Variants in ZNF469 observed in about 807,000 individuals in gnomAD.
The protein encoded by ZNF469 is zinc finger protein 469.
In ZNF469, 1 loss-of-function variant was observed where a neutral mutation model predicts 1.0. That is an observed-to-expected ratio of 1.00 (90% confidence interval 0.35 to 4.73). The LOEUF (loss-of-function observed/expected upper bound fraction) is 4.73, where lower values mean the gene tolerates loss of function less well. Ranked by LOEUF, ZNF469 falls within the 30% of genes most tolerant of loss-of-function variation. ZNF469 has a pLI of 0.16. For synonymous variants in ZNF469, 2,703 were observed against 2,363.4 expected, an observed-to-expected ratio of 1.14 and a Z score of -4.17; for missense variants, 6,100 against 5,356.3, an observed-to-expected ratio of 1.14 and a Z score of -4.33.
chr16:88,407,419 G>A (rs1472812237), intron 1 of ZNF469, among the ~76,000 whole-genome samples: 6 of 152,254 alleles, frequency 3.9e-5, no homozygotes, highest in East Asian at 1.9e-4. Flanking sequence ...CCTCATCAGC[G>A]TCACTCTCTG....
intron 1 of ZNF469, among the ~76,000 whole-genome samples, chr16:88,401,469 A>AGATGGATGGATGGGCGAGTGGATGGATG (rs1904850758): frequency 9.4e-6 from 1 of 106,930 alleles, no homozygotes; most frequent in African/African-American, 4.1e-5. Context: ...GTGGGTGGGC[A>AGATGGATGGATGGGCGAGTGGATGGATG]GATGGATGGA....
At chr16:88,245,382 G>A in the ZNF469 span, among the ~76,000 whole-genome samples, 1 of 152,396 alleles carries the variant, frequency 6.6e-6, no homozygotes. Flanking sequence ...CTCCAGAACA[G>A]TTGGAGAGAG....
the ZNF469 span, among the ~76,000 whole-genome samples, chr16:88,160,194 G>T: frequency 2.0e-5 from 3 of 152,212 alleles, no homozygotes; most frequent in Non-Finnish European, 4.4e-5. Flanking sequence ...CTGGGTCTGG[G>T]ACTAAGGAGC....
intron 1 of ZNF469, among the ~76,000 whole-genome samples, chr16:88,423,540 A>C (rs1905574493): frequency 2.0e-5 from 3 of 152,188 alleles, no homozygotes; most frequent in Admixed American, 6.5e-5. Context: ...AGACTGAAAC[A>C]ACAAACCTTT....
the ZNF469 span, among the ~76,000 whole-genome samples, chr16:88,147,885 C>A: frequency 6.6e-6 from 1 of 152,122 alleles, no homozygotes; most frequent in Non-Finnish European, 1.5e-5. Context: ...TGGAAGGGAC[C>A]CCTGAGTGTT....
chr16:88,431,376 G>T lies in ZNF469; in HGVS notation c.3906G>T (p.Leu1302=), dbSNP rs1042562062. The T allele has an allele frequency of 2.9e-5, 45 of 1,550,026 alleles. No homozygotes were observed. The African/African-American group carries it at 5.6e-4, about 19-fold the overall frequency. The change falls in exon 3 of 3, where the codon CTG becomes CTT. Residue 1302 remains leucine (L), a synonymous_variant. Coordinates refer to ENST00000565624, the MANE Select transcript of ZNF469 (RefSeq NM_001367624.2). ...CAACGCCAGGTGTGGGCAGCCTGCTGGGTGGTCCTGGGGGCACACAGGCCC... is the reference window on the plus strand; with the variant it reads ...CAACGCCAGGTGTGGGCAGCCTGCTTGGTGGTCCTGGGGGCACACAGGCCC... ...SSPTPGVGSL[L]GGPGGTQAPV... is the part of the protein sequence containing the mutation.
the ZNF469 span, among the ~76,000 whole-genome samples, chr16:88,310,651 C>T: frequency 5.8e-3 from 877 of 151,822 alleles, 5 homozygotes; most frequent in African/African-American, 0.02. Flanking sequence ...AGCGCGATCT[C>T]GGCTCACTGC....
At chr16:88,349,270 ACAC>A in the ZNF469 span, among the ~76,000 whole-genome samples, 1 of 152,122 alleles carries the variant, frequency 6.6e-6, no homozygotes, top group African/African-American at 2.4e-5. Flanking sequence ...GCGAGGCTCT[ACAC>A]GCACAGGTGA....
chr16:88,311,085 G>C, the ZNF469 span, among the ~76,000 whole-genome samples: 23 of 152,300 alleles, frequency 1.5e-4, no homozygotes, highest in East Asian at 7.7e-4. Context: ...TGACAGTTTT[G>C]AGGACCGCCT....
chr16:88,438,359 G>T lies in ZNF469; in HGVS notation c.10889G>T (p.Arg3630Leu), dbSNP rs758123475. ...FSGKRRAPGA[R>L]GRCAPDHFQE... ...GGGAAACGCAGGGCCCCGGGTGCCC[G>T]TGGCAGGTGTGCCCCTGACCATTTC... The change falls in exon 3 of 3, where the codon CGT (arginine) becomes CTT (leucine). Residue 3630 changes from arginine to leucine, a missense_variant. Coordinates refer to ENST00000565624, the MANE Select transcript of ZNF469 (RefSeq NM_001367624.2). 1 of 1,550,178 alleles carries T rather than the reference G, an allele frequency of 6.5e-7. No individual in the cohort carries two copies. Among genetic ancestry groups the T allele is most frequent in the Non-Finnish European group, 8.7e-7 (1 of 1,146,950 alleles).
chr16:88,204,405 C>T, the ZNF469 span, among the ~76,000 whole-genome samples: 14 of 152,334 alleles, frequency 9.2e-5, 2 homozygotes, highest in South Asian at 2.5e-3. Context: ...TTGTGACACC[C>T]GTGGACCAGG....
the ZNF469 span, among the ~76,000 whole-genome samples, chr16:88,193,042 GTGGTGATGA>G: frequency 7.2e-5 from 4 of 55,772 alleles, no homozygotes; most frequent in African/African-American, 2.5e-4. Context: ...GGTGATGGTG[GTGGTGATGA>G]TGGTGATGGT....
rs934237986 is a variant in ZNF469, at chr16:88,398,563, G to A, written c.-192+15309G>A. ...TGTGAGCCACAGATGAAGAGAATGC[G>A]CGAGCCACAGACAAAGGGACATGTG... On this transcript the variant is annotated intron_variant, in intron 1 of 2. Coordinates refer to ENST00000565624, the MANE Select transcript of ZNF469 (RefSeq NM_001367624.2). Among the ~76,000 whole-genome samples the A allele has an allele frequency of 1.3e-4, 19 of 148,226 alleles. 1 individual carries two copies. The highest frequency in any genetic ancestry group is 4.0e-4 in the Admixed American group (6 of 14,936).
the ZNF469 span, among the ~76,000 whole-genome samples, chr16:88,274,165 G>A: frequency 1.3e-5 from 2 of 152,162 alleles, no homozygotes; most frequent in Non-Finnish European, 2.9e-5. Flanking sequence ...CGGACCCTGA[G>A]GACATTCTGC....
the ZNF469 span, among the ~76,000 whole-genome samples, chr16:88,144,969 C>T: frequency 6.6e-6 from 1 of 151,926 alleles, no homozygotes; most frequent in Admixed American, 6.6e-5. Flanking sequence ...CAAGCCTCAG[C>T]CTCCTGAGTA....
chr16:88,381,686 C>T (rs986086233), upstream of ZNF469, among the ~76,000 whole-genome samples: 7 of 152,264 alleles, frequency 4.6e-5, no homozygotes, highest in Admixed American at 2.6e-4. Context: ...AGCCAAGCCT[C>T]GAGCCTCTGG....
the ZNF469 span, among the ~76,000 whole-genome samples, chr16:88,233,331 C>G: frequency 8.5e-5 from 13 of 152,230 alleles, no homozygotes; most frequent in African/African-American, 3.1e-4. Flanking sequence ...ACTGGGGCAG[C>G]CCCACCATGG....
chr16:88,432,808 C>T lies in ZNF469; in HGVS notation c.5338C>T (p.Pro1780Ser), dbSNP rs773949576. Residue 1780 changes from proline (P) to serine (S), a missense_variant, in exon 3 of 3, where the codon CCC (proline) becomes TCC (serine). By Grantham distance (74) the Pro-to-Ser change is moderately conservative (BLOSUM62 -1). Coordinates refer to ENST00000565624, the MANE Select transcript of ZNF469 (RefSeq NM_001367624.2). The part of the protein sequence containing the change: ...CEQRGGFLPE[P>S]GTADQPHRGA... ...ACAGAGAGGAGGGTTCCTCCCAGAG[C>T]CCGGCACAGCAGACCAGCCCCACCG... 6.5e-7 allele frequency: 1 copy of T among 1,550,378 alleles called. No individual in the cohort carries two copies.
At chr16:88,174,554 C>A in the ZNF469 span, among the ~76,000 whole-genome samples, 11 of 142,872 alleles carry the variant, frequency 7.7e-5, no homozygotes, top group Admixed American at 7.1e-4. Flanking sequence ...TGGGTTTGAA[C>A]TGCAGGGTCC....
Sources: allele counts gnomAD v4.1 joint callset (sites outside exome capture counted in the v4.1 genomes callset), GRCh38; gene constraint gnomAD v4.1.1; transcripts MANE v1.5; gene names NCBI Gene and HGNC (gene_info 2026-07-23, HGNC 2026-07-21).